The following OGDH variants were observed in gnomAD, a reference collection of about 807,000 sequenced individuals.
The protein encoded by OGDH is oxoglutarate dehydrogenase.
OGDH carries 38 observed loss-of-function variants against 116.6 expected under a neutral mutation model. The observed-to-expected ratio is 0.33, with a 90% CI of 0.25 to 0.43. The LOEUF is 0.43. Ranked by LOEUF, OGDH falls within the 20% of genes least tolerant of loss-of-function variation. The probability of loss-of-function intolerance (pLI) is 1.00; values close to 1 mark genes in which losing one functional copy is unlikely to be tolerated. For synonymous variants in OGDH, 488 were observed against 533.3 expected (o/e 0.92, Z 1.17); for missense variants, 825 against 1,357.2 (o/e 0.61, Z 6.16).
intron 2 of OGDH, among the ~76,000 whole-genome samples, chr7:44,641,713 C>A (rs1018781910): frequency 6.6e-6 from 1 of 152,210 alleles, no homozygotes; most frequent in Non-Finnish European, 1.5e-5. Context: ...TCCCTGCTTT[C>A]ACAATGAAGA....
chr7:44,628,297 T>TA (rs1785286713), intron 2 of OGDH, among the ~76,000 whole-genome samples: 1 of 152,228 alleles, frequency 6.6e-6, no homozygotes, highest in South Asian at 2.1e-4. Flanking sequence ...TAGAATTTTT[T>TA]CTCAGTCCAT....
intron 2 of OGDH, among the ~76,000 whole-genome samples, chr7:44,641,217 T>C (rs1469192507): frequency 4.4e-5 from 6 of 134,920 alleles, no homozygotes; most frequent in Non-Finnish European, 9.1e-5. Flanking sequence ...TTCTTTTTTT[T>C]TTTTTTTCTT....
chr7:44,626,306 T>TACACACACAC (rs374833881), intron 2 of OGDH, among the ~76,000 whole-genome samples: 7 of 136,814 alleles, frequency 5.1e-5, no homozygotes, highest in African/African-American at 1.6e-4. Context: ...CACACACCCC[T>TACACACACAC]ACACACACAC....
At chr7:44,616,389 T>TA (rs138286660) in intron 1 of OGDH, among the ~76,000 whole-genome samples, 156 of 152,204 alleles carry the variant, frequency 1.0e-3, no homozygotes, top group African/African-American at 3.4e-3. Flanking sequence ...TACTGAAGCG[T>TA]ACTCAGGGAT....
chr7:44,645,530 G>A lies in OGDH; in HGVS notation c.414+12G>A, dbSNP rs1430227555. ...TCAGGGCATATCAGGTAAGGCGGGT[G>A]CTTTACCCGCACACGGGAAAGGGTG... On this transcript the variant is annotated intron_variant, in intron 3 of 22. Transcript: ENST00000222673. 6.2e-7 allele frequency: 1 copy of A among 1,612,192 alleles called. No individual in the cohort carries two copies. The highest frequency in any genetic ancestry group is 8.5e-7 in the Non-Finnish European group (1 of 1,178,570).
chr7:44,639,300 G>A (rs1585264172), intron 2 of OGDH, among the ~76,000 whole-genome samples: 1 of 152,160 alleles, frequency 6.6e-6, no homozygotes, highest in Non-Finnish European at 1.5e-5. Flanking sequence ...GGACAACAGG[G>A]AGGTGGAAAG....
intron 2 of OGDH, among the ~76,000 whole-genome samples, chr7:44,627,414 T>C (rs1785250655): frequency 6.6e-6 from 1 of 152,268 alleles, no homozygotes; most frequent in Admixed American, 6.5e-5. Context: ...TGTGCTCTTA[T>C]TTTAGATCAC....
chr7:44,624,291 G>GTTTTTTTTTTTT lies in OGDH; in HGVS notation c.-27-18_-27-7dup, dbSNP rs200113572. Reference sequence around the variant, plus strand: ...CTCATTTTTAAAACCTTTCTTTCTTGTTTTTTTTTTTTTTTTTTTGTACAG... The same window carrying GTTTTTTTTTTTT: ...CTCATTTTTAAAACCTTTCTTTCTTGTTTTTTTTTTTTTTTTTTTTTTTTTTTTTTTGTACAG... On this transcript the variant is annotated intron_variant, in intron 1 of 22. Coordinates refer to ENST00000222673, the MANE Select transcript of OGDH (RefSeq NM_002541.4). The GTTTTTTTTTTTT allele has an allele frequency of 7.9e-6, 6 of 760,344 alleles. 1 individual carries two copies. Among genetic ancestry groups the GTTTTTTTTTTTT allele is most frequent in the East Asian group, 2.9e-5 (1 of 34,082 alleles). 47.1% of individuals were successfully genotyped at this position (760,344 alleles called of 1,614,324 possible). A position where few individuals can be genotyped will look rare whatever the true frequency, so the allele number is the denominator to read the frequency against.
At chr7:44,699,719 T>A (rs1258378604) in intron 18 of OGDH, among the ~76,000 whole-genome samples, 1 of 152,098 alleles carries the variant, frequency 6.6e-6, no homozygotes, top group East Asian at 1.9e-4. Flanking sequence ...CTGGGTAATT[T>A]ATAAAGAAAA....
chr7:44,667,161 G>T (rs916874209), intron 5 of OGDH, among the ~76,000 whole-genome samples: 1 of 151,980 alleles, frequency 6.6e-6, no homozygotes, highest in South Asian at 2.1e-4. Flanking sequence ...GTGTTCCTCA[G>T]GCTGGTCTCA....
chr7:44,613,828 T>C (rs1458534748), intron 1 of OGDH, among the ~76,000 whole-genome samples: 1 of 116,210 alleles, frequency 8.6e-6, no homozygotes, highest in Non-Finnish European at 1.7e-5. Flanking sequence ...TTTTTGAAGA[T>C]GGCATTTTGC....
chr7:44,693,232 C>T (rs371912357), intron 10 of OGDH, among the ~76,000 whole-genome samples: 14 of 151,536 alleles, frequency 9.2e-5, no homozygotes, highest in East Asian at 7.8e-4. Flanking sequence ...CGCTTGAACC[C>T]GGGAGGTGGA....
At chr7:44,706,631 T>TTTTTTA (rs1289429667) in intron 20 of OGDH, among the ~76,000 whole-genome samples, 3 of 147,770 alleles carry the variant, frequency 2.0e-5, no homozygotes, top group Admixed American at 2.0e-4. Context: ...GGTATTTTTT[T>TTTTTTA]TTTTTTTTGT....
At chr7:44,702,225 T>A (rs146124649) in intron 20 of OGDH, among the ~76,000 whole-genome samples, 1 of 152,314 alleles carries the variant, frequency 6.6e-6, no homozygotes, top group Non-Finnish European at 1.5e-5. Flanking sequence ...ATTAAGTATG[T>A]CCAAGATTGA....
At chr7:44,632,045 A>C (rs1258182242) in intron 2 of OGDH, among the ~76,000 whole-genome samples, 1 of 152,148 alleles carries the variant, frequency 6.6e-6, no homozygotes, top group East Asian at 1.9e-4. Flanking sequence ...AGCAAGAAAA[A>C]ACCAAAAATT....
Position 44,697,245 on chromosome 7 carries a change from T to C in OGDH, c.2052-125T>C. 1 of 1,487,564 alleles carries C rather than the reference T, an allele frequency of 6.7e-7. No homozygotes were observed. 92.1% of individuals were successfully genotyped at this position (1,487,564 alleles called of 1,614,324 possible). A position where few individuals can be genotyped will look rare whatever the true frequency, so the allele number is the denominator to read the frequency against. Reference sequence around the variant, plus strand: ...GTTAAGACCTGGGTGGGGCCGACCCTGCAGCTGCCTGGCCAGAAGTCCAGG... The same window carrying C: ...GTTAAGACCTGGGTGGGGCCGACCCCGCAGCTGCCTGGCCAGAAGTCCAGG... On this transcript the variant is annotated intron_variant, in intron 15 of 22. Transcript: ENST00000222673. The surrounding 1 kb of genome is among the most constrained non-coding windows in gnomAD (Gnocchi z 6.0).
Position 44,673,778 on chromosome 7 carries a change from A to G in OGDH, c.634-9A>G, listed in dbSNP as rs753098240. 1.9e-6 allele frequency: 3 copies of G among 1,614,140 alleles called. No individual in the cohort carries two copies. Among genetic ancestry groups the G allele is most frequent in the African/African-American group, 1.3e-5 (1 of 75,058 alleles). On this transcript the variant is annotated splice_polypyrimidine_tract_variant and intron_variant, in intron 5 of 22. Coordinates refer to ENST00000222673, the MANE Select transcript of OGDH (RefSeq NM_002541.4). The stretch of plus-strand genomic sequence containing the variant: ...AATCCCCTTGACTGTGTGTTTCTGT[A>G]TGGAATAGATGGCCTACTGCCAGCA...
chr7:44,704,529 A>C (rs886244404), intron 20 of OGDH, among the ~76,000 whole-genome samples: 8 of 151,958 alleles, frequency 5.3e-5, no homozygotes, highest in Non-Finnish European at 1.0e-4. Context: ...TATTCAAATT[A>C]TTTGCCCATT....
chr7:44,680,204 C>A lies in OGDH; in HGVS notation c.1207-1516C>A, dbSNP rs377425870. ...TCCAGCCTGGGTGAAAGAGTGAGAC[C>A]CTGCCTCAAAAAAAAAGAAAAAGAA... On this transcript the variant is annotated intron_variant, in intron 9 of 22. Coordinates refer to ENST00000222673, the MANE Select transcript of OGDH (RefSeq NM_002541.4). 2.3e-3 allele frequency among the ~76,000 whole-genome samples: 356 copies of A among 151,766 alleles called. 1 individual carries two copies. The highest frequency in any genetic ancestry group is 8.2e-3 in the African/African-American group (339 of 41,400).
Sources: gnomAD v4.1 joint callset for allele counts (sites outside exome capture counted in the v4.1 genomes callset) on GRCh38, gnomAD v4.1.1 for gene constraint, Gnocchi (gnomAD v3.1) non-coding constraint, MANE v1.5 for transcripts, NCBI Gene and HGNC (gene_info 2026-07-23, HGNC 2026-07-21) for gene names.